SCN2A: variants seen among roughly 807,000 people sequenced by gnomAD.
SCN2A encodes sodium voltage-gated channel alpha subunit 2.
A neutral mutation model predicts 188.7 loss-of-function variants in SCN2A; 20 were observed. The observed-to-expected ratio is 0.11, with a 90% CI of 0.07 to 0.15. SCN2A has a LOEUF of 0.15. Among genes scored for constraint, SCN2A ranks in the 10% least tolerant of loss-of-function variants. The probability of loss-of-function intolerance (pLI) is 1.00; values close to 1 mark genes in which losing one functional copy is unlikely to be tolerated. For synonymous variants in SCN2A, 804 were observed against 833.1 expected, an observed-to-expected ratio of 0.97 and a Z score of 0.60; for missense variants, 1,278 against 2,445.0, an observed-to-expected ratio of 0.52 and a Z score of 10.07.
chr2:165,311,444 AAAGAAAC>A (rs1697423011), intron 7 of SCN2A, among the ~76,000 whole-genome samples: 2 of 152,114 alleles, frequency 1.3e-5, no homozygotes, highest in African/African-American at 4.8e-5. Flanking sequence ...ATATCTCTCC[AAAGAAAC>A]AAGTTTATTT....
chr2:165,264,128 C>A (rs979989563), intron 1 of SCN2A, among the ~76,000 whole-genome samples: 2 of 152,038 alleles, frequency 1.3e-5, no homozygotes, highest in African/African-American at 4.8e-5. Flanking sequence ...TTTAGATGTC[C>A]TTTATTCCTT....
chr2:165,323,030 A>T, intron 11 of SCN2A, 126 bp from the exon 12 acceptor site: 1 of 906,868 alleles, frequency 1.1e-6, no homozygotes, highest in Non-Finnish European at 1.7e-6. Flanking sequence ...GCTTTCTTCC[A>T]CATGTCCAAT....
At chr2:165,369,078 A>C (rs1011674814) in intron 19 of SCN2A, among the ~76,000 whole-genome samples, 1 of 152,000 alleles carries the variant, frequency 6.6e-6, no homozygotes, top group African/African-American at 2.4e-5. Context: ...GGTGTGAGCT[A>C]CCACACCTGG....
chr2:165,279,510 GT>G (rs1300069582), intron 1 of SCN2A, among the ~76,000 whole-genome samples: 1 of 151,996 alleles, frequency 6.6e-6, no homozygotes, highest in Non-Finnish European at 1.5e-5. Flanking sequence ...AAATGATAAA[GT>G]TTTTAGACAG....
chr2:165,340,330 A>G (rs1699244842), intron 14 of SCN2A, among the ~76,000 whole-genome samples: 1 of 152,158 alleles, frequency 6.6e-6, no homozygotes, highest in Non-Finnish European at 1.5e-5. Flanking sequence ...AAGTCTAGTA[A>G]TATACACATG....
intron 1 of SCN2A, among the ~76,000 whole-genome samples, chr2:165,263,615 ACTATAGCC>A (rs1694704789): frequency 6.6e-6 from 1 of 152,054 alleles, no homozygotes; most frequent in South Asian, 2.1e-4. Context: ...TGTTTTGGTG[ACTATAGCC>A]CTATAGTTTG....
At position 165,388,853 on chromosome 2, in the gene SCN2A, G is replaced by T. The variant is rs764538126; in HGVS notation, c.5047G>T (p.Ala1683Ser). 32 of 1,613,886 alleles carry T rather than the reference G, an allele frequency of 2.0e-5. No individual in the cohort carries two copies. The highest frequency in any genetic ancestry group is 2.6e-5 in the Non-Finnish European group (31 of 1,179,982). ...CGCCATCTTTGGGATGTCCAATTTT[G>T]CCTATGTTAAGAGGGAAGTTGGGAT... ...IYAIFGMSNF[A>S]YVKREVGIDD... is the part of the protein sequence containing the mutation. Residue 1683 changes from alanine to serine, a missense_variant, in exon 27 of 27, where the codon GCC becomes TCC. Physicochemically the swap from Ala to Ser is moderately conservative, Grantham distance 99 (BLOSUM62 1). Around this residue, in one of 17 missense-constraint regions of SCN2A, gnomAD observed 47 missense variants for 109.0 expected, o/e 0.43. Transcript: ENST00000375437.
At chr2:165,253,647 A>C (rs938317537) in intron 1 of SCN2A, among the ~76,000 whole-genome samples, 2 of 152,058 alleles carry the variant, frequency 1.3e-5, no homozygotes, top group African/African-American at 4.8e-5. Context: ...AAAATTATTT[A>C]CTAAATCATC....
intron 16 of SCN2A, among the ~76,000 whole-genome samples, chr2:165,346,092 G>A (rs563186620): frequency 1.3e-5 from 2 of 152,074 alleles, no homozygotes; most frequent in African/African-American, 4.8e-5. Flanking sequence ...TTAGTCTGGT[G>A]GGCTTCCCTT....
intron 1 of SCN2A, among the ~76,000 whole-genome samples, chr2:165,251,374 T>TA (rs1189216067): frequency 3.3e-5 from 5 of 151,928 alleles, no homozygotes; most frequent in African/African-American, 1.2e-4. Context: ...GTAGAAATAA[T>TA]AAAAGAAAAA....
At chr2:165,368,258 C>T (rs1197552328) in intron 19 of SCN2A, among the ~76,000 whole-genome samples, 2 of 152,136 alleles carry the variant, frequency 1.3e-5, no homozygotes, top group Admixed American at 6.5e-5. Flanking sequence ...CTACTTCTCT[C>T]TAATGTCCAA....
rs143292951 is a variant in SCN2A at position 165,363,589 on chromosome 2, T to C, written c.3400-1554T>C. 4.2e-3 allele frequency among the ~76,000 whole-genome samples: 645 copies of C among 152,262 alleles called. 7 individuals carry two copies. The highest frequency in any genetic ancestry group is 0.015 in the African/African-American group (608 of 41,548). ...TTAGTCAATTACGTGTATAGAAACA[T>C]AGTTATACTTATCTCAGAAAGATTC... On this transcript the variant is annotated intron_variant, in intron 17 of 26. Coordinates refer to ENST00000375437, the MANE Select transcript of SCN2A (RefSeq NM_001040142.2).
At chr2:165,270,645 A>G (rs1695063957) in intron 1 of SCN2A, 1 of 152,016 alleles carries the variant, frequency 6.6e-6, no homozygotes. Context: ...CTCATCTGCT[A>G]TTGTCCCAAC....
intron 1 of SCN2A, among the ~76,000 whole-genome samples, chr2:165,286,726 C>A (rs1320418985): frequency 6.6e-6 from 1 of 152,206 alleles, no homozygotes; most frequent in East Asian, 1.9e-4. Context: ...CCTGGATGAA[C>A]ACAGGGTGTG....
intron 1 of SCN2A, chr2:165,269,444 C>G (rs905393616): frequency 3.3e-5 from 5 of 152,000 alleles, no homozygotes; most frequent in African/African-American, 1.2e-4. Flanking sequence ...ATTCAGGCTT[C>G]CCTACTCACT....
chr2:165,291,567 TCCTTCCTTTCTCTC>T (rs1237379658), intron 1 of SCN2A, among the ~76,000 whole-genome samples: 1 of 80,046 alleles, frequency 1.2e-5, no homozygotes, highest in African/African-American at 3.7e-5. Context: ...CTTCCTTCCT[TCCTTCCTTTCTCTC>T]TCTCTCTCTC....
At chr2:165,282,102 T>C (rs1406163309) in intron 1 of SCN2A, among the ~76,000 whole-genome samples, 2 of 152,140 alleles carry the variant, frequency 1.3e-5, no homozygotes, top group Non-Finnish European at 2.9e-5. Flanking sequence ...CCCTTAAGCC[T>C]GTCGGGGATT....
intron 1 of SCN2A, among the ~76,000 whole-genome samples, chr2:165,265,875 C>A (rs10930156): frequency 0.38 from 56,318 of 149,902 alleles, 10,911 homozygotes; most frequent in African/African-American, 0.48. Flanking sequence ...AGGCTGGAGT[C>A]TAGTGGTGCA....
chr2:165,348,781 G>T (rs914340264), intron 16 of SCN2A, among the ~76,000 whole-genome samples: 3 of 152,186 alleles, frequency 2.0e-5, no homozygotes, highest in African/African-American at 7.2e-5. Flanking sequence ...TTGGAAGGAG[G>T]TTTCAGTTCC....
Sources: gnomAD v4.1 joint callset for allele counts (sites outside exome capture counted in the v4.1 genomes callset) on GRCh38, gnomAD v4.1.1 for gene constraint, gnomAD v4.1.1 regional missense constraint, MANE v1.5 for transcripts, NCBI Gene and HGNC (gene_info 2026-07-23, HGNC 2026-07-21) for gene names.